CNR2: variants seen among roughly 807,000 people sequenced by gnomAD.
The protein encoded by CNR2 is cannabinoid receptor 2.
For missense variants in CNR2, 379 were observed against 439.9 expected, an observed-to-expected ratio of 0.86 and a Z score of 1.24; for synonymous variants, 172 against 182.2, an observed-to-expected ratio of 0.94 and a Z score of 0.45.
intron 1 of CNR2, among the ~76,000 whole-genome samples, chr1:23,880,121 C>A (rs1439588068): frequency 6.6e-6 from 1 of 151,202 alleles, no homozygotes; most frequent in Non-Finnish European, 1.5e-5. Context: ...CCAGATCTTA[C>A]TTTTTCAATG....
In CNR2 at chr1:23,875,529, C is replaced by T. The variant is rs201821646; in HGVS notation, c.89G>A (p.Gly30Asp). 379 of 1,613,994 alleles carry T rather than the reference C, an allele frequency of 2.3e-4. No homozygotes were observed. The highest frequency in any genetic ancestry group is 4.2e-4 in the Admixed American group (25 of 59,994). The change falls in exon 2 of 2, where the codon GGT (glycine) becomes GAT (aspartate). Residue 30 changes from glycine (G) to aspartate (D), a missense_variant. By Grantham distance (94) the Gly-to-Asp change is moderately conservative. Transcript: ENST00000374472. ...NPMKDYMILS[G>D]PQKTAVAVLC... ...CACAGCAACAGCTGTCTTCTGGGGA[C>T]CACTCAGGATCATGTAATCCTTCAT...
chr1:23,875,160 G>C lies in CNR2; in HGVS notation c.458C>G (p.Thr153Ser). The C allele has an allele frequency of 1.2e-6, 2 of 1,613,878 alleles. No homozygotes were observed. Among genetic ancestry groups the C allele is most frequent in the Non-Finnish European group, 1.7e-6 (2 of 1,179,850 alleles). ...ALLTRGRALV[T>S]LGIMWVLSAL... is the part of the protein sequence containing the mutation. Reference sequence around the variant, plus strand: ...TGAGAGGACCCACATGATGCCCAGGGTCACCAGTGCCCTTCCACGGGTGAG... The same window carrying C: ...TGAGAGGACCCACATGATGCCCAGGCTCACCAGTGCCCTTCCACGGGTGAG... Residue 153 changes from threonine to serine, a missense_variant, in exon 2 of 2, where the codon ACC becomes AGC. Physicochemically the swap from Thr to Ser is moderately conservative, Grantham distance 58. Transcript: ENST00000374472.
rs374404423 is a variant in CNR2, at chr1:23,900,638, C to T, written c.-46+12608G>A. Among the ~76,000 whole-genome samples the T allele has an allele frequency of 1.8e-4, 27 of 151,964 alleles. No individual in the cohort carries two copies. The East Asian group carries it at 3.1e-3, about 17-fold the overall frequency. On this transcript the variant is annotated intron_variant, in intron 1 of 1. Transcript: ENST00000374472. Reference sequence around the variant, plus strand: ...TCTCTTGCCTCAGCCTCCCAAGTAGCTGGGATTACAGGCATGTGCCACCAC... The same window carrying T: ...TCTCTTGCCTCAGCCTCCCAAGTAGTTGGGATTACAGGCATGTGCCACCAC...
chr1:23,892,834 G>A (rs1339157743), intron 1 of CNR2, among the ~76,000 whole-genome samples: 1 of 152,092 alleles, frequency 6.6e-6, no homozygotes, highest in Non-Finnish European at 1.5e-5. Flanking sequence ...TGGCCAACAT[G>A]GTGAAACCCT....
At chr1:23,898,811 C>A (rs938082625) in intron 1 of CNR2, among the ~76,000 whole-genome samples, 3 of 151,574 alleles carry the variant, frequency 2.0e-5, no homozygotes, top group Non-Finnish European at 4.4e-5. Context: ...CACCACCATG[C>A]CCAGCTAATT....
At chr1:23,910,686 A>G (rs1347677938) in intron 1 of CNR2, among the ~76,000 whole-genome samples, 3 of 150,902 alleles carry the variant, frequency 2.0e-5, no homozygotes, top group Admixed American at 6.6e-5. Context: ...AAAAGAAAGA[A>G]AAGAAAAGAA....
Position 23,876,151 on chromosome 1 carries a change from G to A in CNR2, c.-45-489C>T, listed in dbSNP as rs1228586971. Among the ~76,000 whole-genome samples the A allele has an allele frequency of 2.6e-5, 4 of 152,020 alleles. No individual in the cohort carries two copies. The East Asian group carries it at 7.7e-4, about 29-fold the overall frequency. The stretch of plus-strand genomic sequence containing the variant: ...GAATTTGGCTTAACATCAAGTGATG[G>A]GAAGAGAAAGTACAGAAGATTAAAC... On this transcript the variant is annotated intron_variant, in intron 1 of 1. Coordinates refer to ENST00000374472, the MANE Select transcript of CNR2 (RefSeq NM_001841.3).
At chr1:23,896,648 G>C (rs1640290164) in intron 1 of CNR2, among the ~76,000 whole-genome samples, 1 of 152,224 alleles carries the variant, frequency 6.6e-6, no homozygotes, top group South Asian at 2.1e-4. Context: ...CAGGAGGGAA[G>C]GGTGGGACAG....
In CNR2 at chr1:23,871,146, T is replaced by G. The variant is rs1250833212; in HGVS notation, c.*3389A>C. On this transcript the variant is annotated 3_prime_UTR_variant, in exon 2 of 2. Transcript: ENST00000374472. ...CTCCAACCTGGGTGACAGAGTGAGA[T>G]TCTATGTCAAAAAAAAAAAAAAAAA... 1.9e-5 allele frequency: 2 copies of G among 106,414 alleles called. No homozygotes were observed. Among genetic ancestry groups the G allele is most frequent in the African/African-American group, 4.0e-5 (1 of 24,970 alleles). 6.6% of individuals were successfully genotyped at this position (106,414 alleles called of 1,614,324 possible). A position where few individuals can be genotyped will look rare whatever the true frequency, so the allele number is the denominator to read the frequency against.
rs1639846520 is a variant in CNR2, at chr1:23,875,118, A to T, written c.500T>A (p.Leu167Gln). 2 of 1,605,988 alleles carry T rather than the reference A, an allele frequency of 1.2e-6. No homozygotes were observed. Among genetic ancestry groups the T allele is most frequent in the Non-Finnish European group, 1.7e-6 (2 of 1,175,466 alleles). Residue 167 changes from leucine (L) to glutamine (Q), a missense_variant, in exon 2 of 2, where the codon CTG becomes CAG. Leu to Gln is a moderately radical substitution (Grantham distance 113). Transcript: ENST00000374472. ...ACAGCAAGTCCATCCCATGAGGGGC[A>T]GGTAGGAGACTAGTGCTGAGAGGAC... ...MWVLSALVSY[L>Q]PLMGWTCCPR... is the part of the protein sequence containing the mutation.
chr1:23,898,834 G>T (rs2148467867), intron 1 of CNR2, among the ~76,000 whole-genome samples: 1 of 151,122 alleles, frequency 6.6e-6, no homozygotes, highest in African/African-American at 2.4e-5. Context: ...TGTATTTTTA[G>T]TAGAGACGGG....
chr1:23,879,243 G>A (rs529108619), intron 1 of CNR2, among the ~76,000 whole-genome samples: 5 of 152,080 alleles, frequency 3.3e-5, no homozygotes, highest in South Asian at 2.1e-4. Flanking sequence ...GCAGTGAGCC[G>A]AGATCATGCC....
At position 23,874,432 on chromosome 1, in the gene CNR2, C is replaced by T. The variant is rs920970865; in HGVS notation, c.*103G>A. On this transcript the variant is annotated 3_prime_UTR_variant, in exon 2 of 2. Coordinates refer to ENST00000374472, the MANE Select transcript of CNR2 (RefSeq NM_001841.3). ...CAAAAAGGGGTCCGTGTCTAGGTGT[C>T]TGGGACTGGTTTAAGTAAGAAGAGA... 10 of 1,319,172 alleles carry T rather than the reference C, an allele frequency of 7.6e-6. No individual in the cohort carries two copies. The African/African-American group carries it at 1.3e-4, about 18-fold the overall frequency. 81.7% of individuals were successfully genotyped at this position (1,319,172 alleles called of 1,614,324 possible). A position where few individuals can be genotyped will look rare whatever the true frequency, so the allele number is the denominator to read the frequency against.
intron 1 of CNR2, among the ~76,000 whole-genome samples, chr1:23,878,534 C>T (rs1006548771): frequency 6.6e-6 from 1 of 152,032 alleles, no homozygotes; most frequent in Non-Finnish European, 1.5e-5. Flanking sequence ...TGTGCACCAC[C>T]ATGCCCAGCT....
intron 1 of CNR2, among the ~76,000 whole-genome samples, chr1:23,888,697 G>A (rs1407728688): frequency 6.6e-6 from 1 of 152,106 alleles, no homozygotes; most frequent in Non-Finnish European, 1.5e-5. Context: ...AAGGCCAGGC[G>A]CGGTGGCTCA....
At chr1:23,901,363 C>T (rs1557533430) in intron 1 of CNR2, 1 of 994,732 alleles carries the variant, frequency 1.0e-6, no homozygotes. Context: ...TGACTACATG[C>T]CAAAGAGAGA....
rs924798056 is a variant in CNR2, at chr1:23,905,991, G to C, written c.-46+7255C>G. Among the ~76,000 whole-genome samples the C allele has an allele frequency of 7.2e-5, 11 of 152,122 alleles. 1 individual carries two copies. Among genetic ancestry groups the C allele is most frequent in the African/African-American group, 2.2e-4 (9 of 41,424 alleles). On this transcript the variant is annotated intron_variant, in intron 1 of 1. Coordinates refer to ENST00000374472, the MANE Select transcript of CNR2 (RefSeq NM_001841.3). Reference sequence around the variant, plus strand: ...GCCTGGATTTCTAGTTCCTGTTCCTGTTCTGTGTAAAAGAGATTCTCAGTT... The same window carrying C: ...GCCTGGATTTCTAGTTCCTGTTCCTCTTCTGTGTAAAAGAGATTCTCAGTT...
intron 1 of CNR2, among the ~76,000 whole-genome samples, chr1:23,912,400 G>C (rs1193745222): frequency 6.6e-6 from 1 of 152,210 alleles, no homozygotes; most frequent in African/African-American, 2.4e-5. Context: ...GCCTCTGCCA[G>C]CCCCTGTCAT....
chr1:23,883,260 G>A (rs1450194949), intron 1 of CNR2, among the ~76,000 whole-genome samples: 1 of 152,184 alleles, frequency 6.6e-6, no homozygotes, highest in African/African-American at 2.4e-5. Flanking sequence ...TTGCGATGGG[G>A]GTGTAAGTTG....
Sources: allele counts gnomAD v4.1 joint callset (sites outside exome capture counted in the v4.1 genomes callset), GRCh38; gene constraint gnomAD v4.1.1; transcripts MANE v1.5; gene names NCBI Gene and HGNC (gene_info 2026-07-23, HGNC 2026-07-21).